The following CSMD1 variants were observed in gnomAD, a reference collection of about 807,000 sequenced individuals.
CSMD1 encodes the protein CUB and sushi domain-containing protein 1.
Under a neutral mutation model 417.5 loss-of-function variants are expected in CSMD1, and 213 were observed. That is an observed-to-expected ratio of 0.51 (90% CI 0.46 to 0.57). The LOEUF (loss-of-function observed/expected upper bound fraction) is 0.57, where lower values mean the gene tolerates loss of function less well. CSMD1 is among the 20% of genes least tolerant of loss of function. The pLI is 0.00. For synonymous variants in CSMD1, 2,862 were observed against 1,736.8 expected (o/e 1.65, Z -16.11); for missense variants, 6,923 against 4,529.7 (o/e 1.53, Z -15.17).
chr8:4,177,692 C>T (rs2656293), intron 3 of CSMD1, among the ~76,000 whole-genome samples: 137,080 of 139,536 alleles, frequency 0.98, 67,420 homozygotes, highest in East Asian at 1. Flanking sequence ...GCAAGACTAA[C>T]AAAGAAAAAA....
intron 9 of CSMD1, among the ~76,000 whole-genome samples, chr8:3,584,590 T>A (rs933892375): frequency 1.3e-5 from 2 of 152,074 alleles, no homozygotes; most frequent in Non-Finnish European, 2.9e-5. Context: ...GAGTTTAAGA[T>A]GAGAGTCAGG....
At chr8:3,168,326 T>C (rs1314732331) in intron 37 of CSMD1, among the ~76,000 whole-genome samples, 1 of 152,198 alleles carries the variant, frequency 6.6e-6, no homozygotes, top group Non-Finnish European at 1.5e-5. Flanking sequence ...TACATAATTA[T>C]TCTCTGGCAC....
intron 19 of CSMD1, among the ~76,000 whole-genome samples, chr8:3,368,794 T>A (rs1809767402): frequency 6.6e-6 from 1 of 152,252 alleles, no homozygotes; most frequent in Non-Finnish European, 1.5e-5. Flanking sequence ...GAAATATCTA[T>A]TCTATGAGCC....
intron 11 of CSMD1, among the ~76,000 whole-genome samples, chr8:3,480,298 G>T (rs1190283557): frequency 6.6e-6 from 1 of 152,174 alleles, no homozygotes; most frequent in Non-Finnish European, 1.5e-5. Context: ...GGAGGCGGAG[G>T]ATGCATTGAG....
intron 1 of CSMD1, among the ~76,000 whole-genome samples, chr8:4,801,335 C>T (rs1009725630): frequency 2.0e-5 from 3 of 152,056 alleles, no homozygotes; most frequent in Non-Finnish European, 2.9e-5. Context: ...AAGATGTGAG[C>T]TATAAATTGC....
chr8:3,457,582 G>T (rs1009183909), intron 12 of CSMD1, among the ~76,000 whole-genome samples: 2 of 152,282 alleles, frequency 1.3e-5, no homozygotes, highest in African/African-American at 4.8e-5. Flanking sequence ...AAAAAACACA[G>T]GATGAATTTC....
At chr8:4,558,904 C>CA (rs1306429008) in intron 2 of CSMD1, among the ~76,000 whole-genome samples, 1 of 137,784 alleles carries the variant, frequency 7.3e-6, no homozygotes, top group Non-Finnish European at 1.6e-5. Context: ...CAAAACAAAA[C>CA]AAAAAATAGA....
intron 1 of CSMD1, among the ~76,000 whole-genome samples, chr8:4,954,072 C>T (rs751956905): frequency 1.2e-4 from 18 of 152,146 alleles, no homozygotes; most frequent in Non-Finnish European, 2.4e-4. Flanking sequence ...AATTCATAAA[C>T]ATTTCTTCCA....
chr8:4,921,179 G>C lies in CSMD1; in HGVS notation c.85+73153C>G, dbSNP rs115150170. ...TGATTATGATGGTGATTTAGGGTCA[G>C]AAACAGGCAATTTCAAGTGACTTGT... On this transcript the variant is annotated intron_variant, in intron 1 of 69. Transcript: ENST00000635120. 5.8e-3 allele frequency among the ~76,000 whole-genome samples: 888 copies of C among 152,184 alleles called. 6 individuals are homozygous for C. Among genetic ancestry groups the C allele is most frequent in the African/African-American group, 0.02 (851 of 41,532 alleles).
chr8:3,869,580 T>G (rs1805338499), intron 5 of CSMD1, among the ~76,000 whole-genome samples: 1 of 152,158 alleles, frequency 6.6e-6, no homozygotes, highest in South Asian at 2.1e-4. Context: ...TATAAACCTA[T>G]CTATCAGATA....
intron 3 of CSMD1, among the ~76,000 whole-genome samples, chr8:4,126,932 C>G (rs1802798014): frequency 6.6e-6 from 1 of 151,982 alleles, no homozygotes; most frequent in Admixed American, 6.6e-5. Flanking sequence ...ACAGACTCTG[C>G]TGGAAGAGAC....
intron 1 of CSMD1, among the ~76,000 whole-genome samples, chr8:4,640,872 A>T (rs1361437246): frequency 6.6e-6 from 1 of 151,582 alleles, no homozygotes; most frequent in Non-Finnish European, 1.5e-5. Flanking sequence ...TAAAAAAAAA[A>T]AAAAAAAAGT....
At chr8:3,756,657 G>C (rs182395312) in intron 5 of CSMD1, among the ~76,000 whole-genome samples, 3 of 152,268 alleles carry the variant, frequency 2.0e-5, no homozygotes, top group East Asian at 3.9e-4. Flanking sequence ...GAATACAAAA[G>C]ATCAGCGAAT....
chr8:4,289,941 G>C (rs1585167401), intron 3 of CSMD1, among the ~76,000 whole-genome samples: 1 of 152,144 alleles, frequency 6.6e-6, no homozygotes, highest in African/African-American at 2.4e-5. Context: ...AATCATTATT[G>C]ACCTCTTCTT....
chr8:3,382,514 TATATAAATTTATATAA>T lies in CSMD1; in HGVS notation c.2782+4964_2782+4979del, dbSNP rs1353615575. Among the ~76,000 whole-genome samples, 16 of 135,266 alleles carry T rather than the reference TATATAAATTTATATAA, an allele frequency of 1.2e-4. No homozygotes were observed. In the Admixed American group the frequency reaches 1.2e-3, roughly 10 times the overall value. The allele number at this position is 135,266 out of a possible 152,430, so 88.7% of individuals were successfully genotyped here. On this transcript the variant is annotated intron_variant, in intron 18 of 69. Coordinates refer to ENST00000635120, the MANE Select transcript of CSMD1 (RefSeq NM_033225.6). ...TTAGTTATGTATATAAATTTATATATATATAAATTTATATAAATATATATTTATTATTAGCATTATG... is the reference window on the plus strand; with the variant it reads ...TTAGTTATGTATATAAATTTATATATATATATATTTATTATTAGCATTATG...
intron 41 of CSMD1, among the ~76,000 whole-genome samples, chr8:3,121,767 C>G (rs903982525): frequency 6.6e-6 from 1 of 152,058 alleles, no homozygotes; most frequent in Non-Finnish European, 1.5e-5. Context: ...CCACTGCACT[C>G]CAGCCTGGGT....
chr8:3,930,113 G>A lies in CSMD1; in HGVS notation c.818+67790C>T, dbSNP rs143668289. ...GAAGATTATCTTTATTTGGTACTGG[G>A]AAAACCTACAAAAGCAGTACCCTAC... is the stretch of plus-strand genomic sequence containing the variant. On this transcript the variant is annotated intron_variant, in intron 5 of 69. Transcript: ENST00000635120. Among the ~76,000 whole-genome samples, 1,406 of 150,158 alleles carry A rather than the reference G, an allele frequency of 9.4e-3. 84 individuals carry two copies. Among genetic ancestry groups the A allele is most frequent in the African/African-American group, 0.033 (1,325 of 40,730 alleles).
At chr8:4,099,353 A>G (rs1344315998) in intron 3 of CSMD1, among the ~76,000 whole-genome samples, 1 of 152,080 alleles carries the variant, frequency 6.6e-6, no homozygotes, top group Non-Finnish European at 1.5e-5. Context: ...ACATCTGTTC[A>G]GTCATAAAAT....
At chr8:3,815,122 G>A (rs903074559) in intron 5 of CSMD1, among the ~76,000 whole-genome samples, 2 of 152,108 alleles carry the variant, frequency 1.3e-5, no homozygotes, top group East Asian at 3.9e-4. Flanking sequence ...TTAGACATGG[G>A]ATATTTTGCT....
Sources: gnomAD v4.1 joint callset for allele counts (sites outside exome capture counted in the v4.1 genomes callset) on GRCh38, gnomAD v4.1.1 for gene constraint, MANE v1.5 for transcripts, NCBI Gene and HGNC (gene_info 2026-07-23, HGNC 2026-07-21) for gene names.